The following KCNQ1OT1 variants were observed in gnomAD, a reference collection of about 807,000 sequenced individuals.
KCNQ1OT1 encodes KCNQ1 antisense RNA 2 (non-protein coding).
chr11:2,655,426 G>A, exon 1 of KCNQ1OT1: 1 of 398,680 alleles, frequency 2.5e-6, no homozygotes, highest in Non-Finnish European at 4.4e-6. Context: ...CCCAGGGCCA[G>A]CCACTCTAGG....
Position 2,698,206 on chromosome 11 carries a change from C to T in KCNQ1OT1, n.1789G>A. ...AAGGGGCACCACAGTAAAGAAAGAA[C>T]TGGTAAATGCACATCAAATGTGGAT... On this transcript the variant is annotated non_coding_transcript_exon_variant, in exon 1 of 1. Coordinates refer to ENST00000597346, the Ensembl canonical transcript of KCNQ1OT1. The surrounding 1 kb of genome is among the most constrained non-coding windows in gnomAD (Gnocchi z 5.1). 1 of 398,626 alleles carries T rather than the reference C, an allele frequency of 2.5e-6. No homozygotes were observed. Among genetic ancestry groups the T allele is most frequent in the Admixed American group, 4.4e-5 (1 of 22,740 alleles). 24.7% of individuals were successfully genotyped at this position (398,626 alleles called of 1,614,324 possible).
rs1476403227 is a variant in KCNQ1OT1 at position 2,620,947 on chromosome 11, TG to T, written n.79047del. 3 of 301,932 alleles carry T rather than the reference TG, an allele frequency of 9.9e-6. No homozygotes were observed. Among genetic ancestry groups the T allele is most frequent in the African/African-American group, 8.6e-5 (2 of 23,386 alleles). The allele number at this position is 301,932 out of a possible 1,614,324, so 18.7% of individuals were successfully genotyped here. ...TTTTTTTGTTGTTGTTGTTTTGTTT[TG>T]TTTTTTTTTGTCTGTTTTTTGCTTT... On this transcript the variant is annotated non_coding_transcript_exon_variant, in exon 1 of 1. Coordinates refer to ENST00000597346, the Ensembl canonical transcript of KCNQ1OT1. The surrounding 1 kb of genome is among the most constrained non-coding windows in gnomAD (Gnocchi z 4.5).
chr11:2,629,839 A>G (rs1168757470), exon 1 of KCNQ1OT1: 2 of 397,432 alleles, frequency 5.0e-6, no homozygotes, highest in Non-Finnish European at 8.9e-6. Flanking sequence ...AGTCTGTAGC[A>G]TTTTCTACAT....
At position 2,611,489 on chromosome 11, in the gene KCNQ1OT1, GGT is replaced by G. The variant is rs1848979527; in HGVS notation, n.88504_88505del. The G allele has an allele frequency of 7.5e-6, 3 of 398,114 alleles. No individual in the cohort carries two copies. In the South Asian group the frequency reaches 4.0e-4, roughly 53 times the overall value. 24.7% of individuals were successfully genotyped at this position (398,114 alleles called of 1,614,324 possible). A position where few individuals can be genotyped will look rare whatever the true frequency, so the allele number is the denominator to read the frequency against. On this transcript the variant is annotated non_coding_transcript_exon_variant, in exon 1 of 1. Coordinates refer to ENST00000597346, the Ensembl canonical transcript of KCNQ1OT1. This position sits in a 1 kb window ranked among gnomAD's most constrained non-coding sequence, Gnocchi z 5.3. ...AGCCTCCCAAAATGCTGGGATTACAGGTGTGAGCCACTGCACCCAGCCAATTT... is the reference window on the plus strand; with the variant it reads ...AGCCTCCCAAAATGCTGGGATTACAGGTGAGCCACTGCACCCAGCCAATTT...
exon 1 of KCNQ1OT1, chr11:2,697,197 A>G (rs897308644): frequency 1.5e-5 from 6 of 398,470 alleles, no homozygotes; most frequent in African/African-American, 1.2e-4. Context: ...CTTAGTTTTA[A>G]CTTCTAAGAT....
exon 1 of KCNQ1OT1, chr11:2,629,582 A>G: frequency 2.5e-6 from 1 of 398,480 alleles, no homozygotes; most frequent in Non-Finnish European, 4.4e-6. Flanking sequence ...ATTTGTTGAA[A>G]AGAGAATCCA....
chr11:2,621,006 C>A lies in KCNQ1OT1; in HGVS notation n.78989G>T. The A allele has an allele frequency of 2.5e-6, 1 of 395,280 alleles. No individual in the cohort carries two copies. Among genetic ancestry groups the A allele is most frequent in the Non-Finnish European group, 4.4e-6 (1 of 225,372 alleles). The allele number at this position is 395,280 out of a possible 1,614,324, so 24.5% of individuals were successfully genotyped here. A position where few individuals can be genotyped will look rare whatever the true frequency, so the allele number is the denominator to read the frequency against. ...GTTTGTTTGTTTTTTGAGAAAGAGT[C>A]TTGCTCTGTCTCCCAGGCTGGAGTG... On this transcript the variant is annotated non_coding_transcript_exon_variant, in exon 1 of 1. Transcript: ENST00000597346. The surrounding 1 kb of genome is among the most constrained non-coding windows in gnomAD (Gnocchi z 5.7).
At position 2,611,656 on chromosome 11, in the gene KCNQ1OT1, G is replaced by A. The variant is rs894263960; in HGVS notation, n.88339C>T. On this transcript the variant is annotated non_coding_transcript_exon_variant, in exon 1 of 1. Transcript: ENST00000597346. The surrounding 1 kb of genome is among the most constrained non-coding windows in gnomAD (Gnocchi z 5.3). ...ATATATATTTGGATCCTGCTTTTAA[G>A]GCAGTCTGGCAATCTCTGCTCTTTA... The A allele has an allele frequency of 1.0e-5, 4 of 398,354 alleles. No individual in the cohort carries two copies. The highest frequency in any genetic ancestry group is 1.8e-5 in the Non-Finnish European group (4 of 226,042). 24.7% of individuals were successfully genotyped at this position (398,354 alleles called of 1,614,324 possible). A position where few individuals can be genotyped will look rare whatever the true frequency, so the allele number is the denominator to read the frequency against.
At chr11:2,672,787 A>C in exon 1 of KCNQ1OT1, 1 of 398,804 alleles carries the variant, frequency 2.5e-6, no homozygotes. Context: ...CAACAGATCC[A>C]ACCAGTCCCC....
Position 2,668,381 on chromosome 11 carries a change from A to C in KCNQ1OT1, n.31614T>G, listed in dbSNP as rs1401599817. 2 of 398,506 alleles carry C rather than the reference A, an allele frequency of 5.0e-6. No homozygotes were observed. Among genetic ancestry groups the C allele is most frequent in the Non-Finnish European group, 8.8e-6 (2 of 226,072 alleles). 24.7% of individuals were successfully genotyped at this position (398,506 alleles called of 1,614,324 possible). On this transcript the variant is annotated non_coding_transcript_exon_variant, in exon 1 of 1. Coordinates refer to ENST00000597346, the Ensembl canonical transcript of KCNQ1OT1. This position sits in a 1 kb window ranked among gnomAD's most constrained non-coding sequence, Gnocchi z 4.3. Reference sequence around the variant, plus strand: ...TGTTTACTCTTAGTGAATACTACCCAGCAGTCTACCAAAGGAGTCATTCCA... The same window carrying C: ...TGTTTACTCTTAGTGAATACTACCCCGCAGTCTACCAAAGGAGTCATTCCA...
chr11:2,682,294 T>A lies in KCNQ1OT1; in HGVS notation n.17701A>T, dbSNP rs1850411214. 2 of 398,480 alleles carry A rather than the reference T, an allele frequency of 5.0e-6. No homozygotes were observed. The highest frequency in any genetic ancestry group is 2.1e-5 in the African/African-American group (1 of 48,620). 24.7% of individuals were successfully genotyped at this position (398,480 alleles called of 1,614,324 possible). A position where few individuals can be genotyped will look rare whatever the true frequency, so the allele number is the denominator to read the frequency against. ...TAAGACTGGGCTGTAAAAAATCACATACCTCCCCTCCCATTCTTAATGTGT... is the reference window on the plus strand; with the variant it reads ...TAAGACTGGGCTGTAAAAAATCACAAACCTCCCCTCCCATTCTTAATGTGT... On this transcript the variant is annotated non_coding_transcript_exon_variant, in exon 1 of 1. Transcript: ENST00000597346. The surrounding 1 kb of genome is among the most constrained non-coding windows in gnomAD (Gnocchi z 5.8).
exon 1 of KCNQ1OT1, chr11:2,640,918 CAT>C (rs1468041205): frequency 2.8e-5 from 11 of 399,320 alleles, no homozygotes; most frequent in Non-Finnish European, 4.9e-5. Flanking sequence ...ATGATAATAA[CAT>C]AAGATAATTA....
chr11:2,652,782 C>T lies in KCNQ1OT1; in HGVS notation n.47213G>A, dbSNP rs1469238403. The T allele has an allele frequency of 1.3e-5, 5 of 398,986 alleles. No homozygotes were observed. Among genetic ancestry groups the T allele is most frequent in the Non-Finnish European group, 2.2e-5 (5 of 226,456 alleles). The allele number at this position is 398,986 out of a possible 1,614,324, so 24.7% of individuals were successfully genotyped here. A position where few individuals can be genotyped will look rare whatever the true frequency, so the allele number is the denominator to read the frequency against. ...CTGCCTGTCTTCCTCAGCGCCCCCG[C>T]TACTCAGACCCCACCCTTGGGCCTG... On this transcript the variant is annotated non_coding_transcript_exon_variant, in exon 1 of 1. Transcript: ENST00000597346. The surrounding 1 kb of genome is among the most constrained non-coding windows in gnomAD (Gnocchi z 5.9).
At chr11:2,619,980 T>C (rs1055325134) in exon 1 of KCNQ1OT1, 1 of 398,216 alleles carries the variant, frequency 2.5e-6, no homozygotes, top group Non-Finnish European at 4.4e-6. Context: ...GTAGTGAGCA[T>C]AGTACCCAAT....
exon 1 of KCNQ1OT1, chr11:2,699,282 C>T (rs1164071373): frequency 2.5e-6 from 1 of 398,834 alleles, no homozygotes; most frequent in African/African-American, 2.1e-5. Context: ...CCAGGCTGCA[C>T]TGCTGACGCC....
At position 2,612,231 on chromosome 11, in the gene KCNQ1OT1, G is replaced by A. The variant is rs1848988830; in HGVS notation, n.87764C>T. 5.0e-6 allele frequency: 2 copies of A among 398,480 alleles called. No homozygotes were observed. Among genetic ancestry groups the A allele is most frequent in the Admixed American group, 8.8e-5 (2 of 22,714 alleles). The allele number at this position is 398,480 out of a possible 1,614,324, so 24.7% of individuals were successfully genotyped here. A position where few individuals can be genotyped will look rare whatever the true frequency, so the allele number is the denominator to read the frequency against. On this transcript the variant is annotated non_coding_transcript_exon_variant, in exon 1 of 1. Coordinates refer to ENST00000597346, the Ensembl canonical transcript of KCNQ1OT1. The surrounding 1 kb of genome is among the most constrained non-coding windows in gnomAD (Gnocchi z 5.5). The stretch of plus-strand genomic sequence containing the variant: ...TCTGCCTCCTGTCTGATCAGTGATG[G>A]CATTAGATTCTCACAGAGAGCAAAT...
chr11:2,616,427 C>A, exon 1 of KCNQ1OT1: 1 of 397,942 alleles, frequency 2.5e-6, no homozygotes, highest in South Asian at 1.3e-4. Flanking sequence ...TTCATTCTCT[C>A]TTTTAACTTT....
At position 2,627,970 on chromosome 11, in the gene KCNQ1OT1, T is replaced by C; in HGVS notation, n.72025A>G. 2.5e-6 allele frequency: 1 copy of C among 398,610 alleles called. No homozygotes were observed. The highest frequency in any genetic ancestry group is 3.6e-5 in the East Asian group (1 of 28,068). 24.7% of individuals were successfully genotyped at this position (398,610 alleles called of 1,614,324 possible). A position where few individuals can be genotyped will look rare whatever the true frequency, so the allele number is the denominator to read the frequency against. On this transcript the variant is annotated non_coding_transcript_exon_variant, in exon 1 of 1. Coordinates refer to ENST00000597346, the Ensembl canonical transcript of KCNQ1OT1. This position sits in a 1 kb window ranked among gnomAD's most constrained non-coding sequence, Gnocchi z 4.9. Reference sequence around the variant, plus strand: ...TATCACTATGTTTCCTAGGCTGGTCTCAAACTCCTGTGTTCAAGCTATCCT... The same window carrying C: ...TATCACTATGTTTCCTAGGCTGGTCCCAAACTCCTGTGTTCAAGCTATCCT...
exon 1 of KCNQ1OT1, chr11:2,689,234 T>G: frequency 2.5e-6 from 1 of 398,752 alleles, no homozygotes; most frequent in Non-Finnish European, 4.4e-6. Context: ...TAGGCCAAGC[T>G]TTGAAGTCAG....
Sources: allele counts gnomAD v4.1 joint callset, GRCh38; gene constraint gnomAD v4.1.1; non-coding constraint Gnocchi (gnomAD v3.1); transcripts MANE v1.5; gene names NCBI Gene and HGNC (gene_info 2026-07-23, HGNC 2026-07-21).